MEI4: variants seen among roughly 807,000 people sequenced by gnomAD.
MEI4 encodes the protein meiotic double-stranded break formation protein 4.
Under a neutral mutation model 31.4 loss-of-function variants are expected in MEI4, and 27 were observed. The observed-to-expected ratio is 0.86, with a 90% CI of 0.63 to 1.19. MEI4 has a LOEUF of 1.19. Among genes scored for constraint, MEI4 ranks in the 50% most tolerant of loss-of-function variants. The probability of loss-of-function intolerance (pLI) is 0.00; values close to 1 mark genes in which losing one functional copy is unlikely to be tolerated. For missense variants in MEI4, 329 were observed against 398.9 expected (o/e 0.82, Z 1.49); for synonymous variants, 122 against 145.4 (o/e 0.84, Z 1.16).
intron 2 of MEI4, among the ~76,000 whole-genome samples, chr6:77,703,928 C>T (rs1167479656): frequency 2.0e-5 from 3 of 151,918 alleles, no homozygotes; most frequent in Admixed American, 6.6e-5. Flanking sequence ...AGTGTGAGGG[C>T]GGGGGTTGGT....
chr6:77,783,717 A>G (rs1375375274), intron 3 of MEI4, among the ~76,000 whole-genome samples: 2 of 152,112 alleles, frequency 1.3e-5, no homozygotes, highest in Non-Finnish European at 2.9e-5. Flanking sequence ...AAGAACATCA[A>G]GTTGAACAAA....
At position 77,736,231 on chromosome 6, in the gene MEI4, A is replaced by C. The variant is rs893573002; in HGVS notation, c.233-24899A>C. ...GGGCAATGGCGGGCGCCCCTCCCCC[A>C]ACCTTGCTGCCCCCTTGCAGTTTGA... On this transcript the variant is annotated intron_variant, in intron 2 of 4. Coordinates refer to ENST00000684080, the MANE Select transcript of MEI4 (RefSeq NM_001322247.2). Among the ~76,000 whole-genome samples, 37 of 151,420 alleles carry C rather than the reference A, an allele frequency of 2.4e-4. No homozygotes were observed. In the East Asian group the frequency reaches 6.8e-3, roughly 28 times the overall value.
chr6:77,732,149 T>C (rs1767019429), intron 2 of MEI4, among the ~76,000 whole-genome samples: 1 of 151,678 alleles, frequency 6.6e-6, no homozygotes, highest in South Asian at 2.1e-4. Flanking sequence ...AAGTAGTTTT[T>C]TCCAATTCTG....
At chr6:77,788,580 A>G (rs551558227) in intron 3 of MEI4, among the ~76,000 whole-genome samples, 8 of 152,266 alleles carry the variant, frequency 5.3e-5, no homozygotes, top group Non-Finnish European at 1.0e-4. Context: ...TCAATGTGCA[A>G]AAATCACAAG....
chr6:77,913,057 T>C (rs1766466249), intron 4 of MEI4, among the ~76,000 whole-genome samples: 1 of 152,162 alleles, frequency 6.6e-6, no homozygotes, highest in South Asian at 2.1e-4. Context: ...TATCTGCATC[T>C]ATTGAGATGA....
chr6:77,877,862 A>G (rs1362826319), intron 4 of MEI4, among the ~76,000 whole-genome samples: 3 of 151,716 alleles, frequency 2.0e-5, no homozygotes, highest in African/African-American at 7.3e-5. Context: ...AGTGAGAACA[A>G]AAAAAAAGAT....
At chr6:77,772,265 AAAAAAG>A (rs1300956176) in intron 3 of MEI4, among the ~76,000 whole-genome samples, 2 of 151,712 alleles carry the variant, frequency 1.3e-5, no homozygotes, top group Non-Finnish European at 1.5e-5. Context: ...TCAAAAAAAA[AAAAAAG>A]AAAACTACAG....
At chr6:77,821,161 A>G (rs1769814525) in intron 3 of MEI4, among the ~76,000 whole-genome samples, 2 of 151,930 alleles carry the variant, frequency 1.3e-5, no homozygotes, top group South Asian at 4.1e-4. Flanking sequence ...ATTTTTCTCA[A>G]AGACTTCCTG....
At chr6:77,765,978 A>C (rs10223638) in intron 3 of MEI4, among the ~76,000 whole-genome samples, 4,835 of 152,272 alleles carry the variant, frequency 0.032, 242 homozygotes, top group African/African-American at 0.11. Flanking sequence ...GGAATTGAAC[A>C]ATAAGAACAC....
chr6:77,791,696 AT>A (rs1768941151), intron 3 of MEI4, among the ~76,000 whole-genome samples: 4 of 151,396 alleles, frequency 2.6e-5, no homozygotes, highest in Non-Finnish European at 5.9e-5. Context: ...AAAAAAAGAA[AT>A]ATCTGTACAT....
At chr6:77,804,466 C>A (rs1400726487) in intron 3 of MEI4, among the ~76,000 whole-genome samples, 1 of 152,156 alleles carries the variant, frequency 6.6e-6, no homozygotes, top group African/African-American at 2.4e-5. Context: ...CTGTCCTGCA[C>A]CCACTTTCCG....
At chr6:77,679,741 T>C (rs1030121008) in intron 1 of MEI4, among the ~76,000 whole-genome samples, 3 of 151,816 alleles carry the variant, frequency 2.0e-5, no homozygotes, top group African/African-American at 7.3e-5. Flanking sequence ...TTATTGGTGT[T>C]TCCCTCTGCC....
intron 4 of MEI4, among the ~76,000 whole-genome samples, chr6:77,900,856 C>T (rs1766172559): frequency 6.6e-6 from 1 of 151,934 alleles, no homozygotes; most frequent in African/African-American, 2.4e-5. Flanking sequence ...TGTCCGTTGA[C>T]ATCTCTCCAG....
At chr6:77,695,354 A>G (rs1344360162) in intron 2 of MEI4, among the ~76,000 whole-genome samples, 1 of 148,104 alleles carries the variant, frequency 6.8e-6, no homozygotes, top group Non-Finnish European at 1.5e-5. Context: ...TATGTCCTGA[A>G]TGGTATTGCC....
intron 4 of MEI4, among the ~76,000 whole-genome samples, chr6:77,909,288 C>T (rs1477406116): frequency 2.0e-5 from 3 of 151,818 alleles, no homozygotes; most frequent in Admixed American, 2.0e-4. Flanking sequence ...TTGAAAAGAT[C>T]AACAAAACTG....
At chr6:77,744,046 C>G (rs1035762939) in intron 2 of MEI4, among the ~76,000 whole-genome samples, 5 of 152,136 alleles carry the variant, frequency 3.3e-5, no homozygotes, top group African/African-American at 1.2e-4. Flanking sequence ...ACTGGAAACT[C>G]TAAAAAGCAG....
At chr6:77,794,691 G>T (rs1352120439) in intron 3 of MEI4, among the ~76,000 whole-genome samples, 1 of 150,610 alleles carries the variant, frequency 6.6e-6, no homozygotes, top group Non-Finnish European at 1.5e-5. Flanking sequence ...TTCAACAATA[G>T]ATAGACCATC....
chr6:77,889,315 G>T (rs1771701055), intron 4 of MEI4, among the ~76,000 whole-genome samples: 1 of 152,280 alleles, frequency 6.6e-6, no homozygotes, highest in East Asian at 1.9e-4. Context: ...TGCTGATAAT[G>T]ATATAGACAT....
At chr6:77,659,679 T>A (rs1222355407) in intron 1 of MEI4, among the ~76,000 whole-genome samples, 1 of 152,106 alleles carries the variant, frequency 6.6e-6, no homozygotes, top group Non-Finnish European at 1.5e-5. Context: ...AGGGCAAGTG[T>A]CTTCCTAAGC....
Sources: gnomAD v4.1 joint callset for allele counts (sites outside exome capture counted in the v4.1 genomes callset) on GRCh38, gnomAD v4.1.1 for gene constraint, MANE v1.5 for transcripts, NCBI Gene and HGNC (gene_info 2026-07-23, HGNC 2026-07-21) for gene names.